The following LONP2 variants were observed in gnomAD, a reference collection of about 807,000 sequenced individuals.
The protein encoded by LONP2 is lon peptidase 2, peroxisomal.
In LONP2, 60 loss-of-function variants were observed where a neutral mutation model predicts 85.6. That is an observed-to-expected ratio of 0.70 (90% CI 0.57 to 0.87). The LOEUF (loss-of-function observed/expected upper bound fraction) is 0.87. Among genes scored for constraint, LONP2 ranks in the 40% least tolerant of loss-of-function variants. The probability of loss-of-function intolerance (pLI) is 0.00; values close to 1 mark genes in which losing one functional copy is unlikely to be tolerated. For synonymous variants in LONP2, 395 were observed against 389.7 expected, an observed-to-expected ratio of 1.01 and a Z score of -0.16; for missense variants, 860 against 1,063.5, an observed-to-expected ratio of 0.81 and a Z score of 2.66.
At chr16:48,333,185 C>T (rs774244666) in intron 11 of LONP2, among the ~76,000 whole-genome samples, 4 of 151,892 alleles carry the variant, frequency 2.6e-5, no homozygotes, top group Non-Finnish European at 5.9e-5. Flanking sequence ...TAATATTTTT[C>T]GTTACTTGAA....
Position 48,297,016 on chromosome 16 carries a change from T to G in LONP2, c.1534+851T>G, listed in dbSNP as rs528691442. Among the ~76,000 whole-genome samples the G allele has an allele frequency of 4.1e-4, 63 of 152,300 alleles. 1 individual carries two copies. Among genetic ancestry groups the G allele is most frequent in the Admixed American group, 3.1e-3 (48 of 15,300 alleles). ...GTAGAATCTAAATGTCTTTATTTAT[T>G]TAATTATTTAGAGACAGAGTCTAGC... On this transcript the variant is annotated intron_variant, in intron 9 of 14. Coordinates refer to ENST00000285737, the MANE Select transcript of LONP2 (RefSeq NM_031490.5).
chr16:48,352,155 C>G lies in LONP2; in HGVS notation c.*353C>G, dbSNP rs975991603. Reference sequence around the variant, plus strand: ...CCACAGCAGGCCGCCTGAATCAAATCCTGGGAGGTGGGGACAGAAATCTGT... The same window carrying G: ...CCACAGCAGGCCGCCTGAATCAAATGCTGGGAGGTGGGGACAGAAATCTGT... On this transcript the variant is annotated 3_prime_UTR_variant, in exon 15 of 15. Coordinates refer to ENST00000285737, the MANE Select transcript of LONP2 (RefSeq NM_031490.5). 3 of 216,444 alleles carry G rather than the reference C, an allele frequency of 1.4e-5. No individual in the cohort carries two copies. The highest frequency in any genetic ancestry group is 6.8e-5 in the African/African-American group (3 of 43,852). 13.4% of individuals were successfully genotyped at this position (216,444 alleles called of 1,614,324 possible). A position where few individuals can be genotyped will look rare whatever the true frequency, so the allele number is the denominator to read the frequency against.
intron 12 of LONP2, among the ~76,000 whole-genome samples, chr16:48,339,673 G>C (rs1158578146): frequency 1.3e-5 from 2 of 152,134 alleles, no homozygotes; most frequent in African/African-American, 4.8e-5. Flanking sequence ...AGAGGGGGTG[G>C]GACCCAAAGC....
At chr16:48,333,173 C>T (rs962246366) in intron 11 of LONP2, among the ~76,000 whole-genome samples, 1 of 151,814 alleles carries the variant, frequency 6.6e-6, no homozygotes, top group Admixed American at 6.5e-5. Flanking sequence ...CCACAGATTA[C>T]GTAATATTTT....
intron 8 of LONP2, among the ~76,000 whole-genome samples, chr16:48,289,748 A>G (rs1972521605): frequency 6.6e-6 from 1 of 152,194 alleles, no homozygotes; most frequent in African/African-American, 2.4e-5. Context: ...GGTATTTATA[A>G]ATAAAAAAGA....
At chr16:48,298,351 A>G (rs1237844284) in intron 9 of LONP2, among the ~76,000 whole-genome samples, 1 of 152,188 alleles carries the variant, frequency 6.6e-6, no homozygotes, top group Non-Finnish European at 1.5e-5. Flanking sequence ...AAGGAAATCT[A>G]TATTTATTCA....
chr16:48,351,215 A>G (rs903215757), intron 14 of LONP2, among the ~76,000 whole-genome samples: 4 of 152,334 alleles, frequency 2.6e-5, no homozygotes, highest in South Asian at 4.1e-4. Context: ...AGCGGCGCTC[A>G]TGGTCAGAAT....
At chr16:48,359,658 G>C (rs1188255032), downstream of LONP2, among the ~76,000 whole-genome samples, 3 of 152,050 alleles carry the variant, frequency 2.0e-5, no homozygotes, top group African/African-American at 7.2e-5. Flanking sequence ...CGAGGTTGCA[G>C]TGAGCCGAGA....
chr16:48,296,196 C>T (rs1326348952), intron 9 of LONP2, 31 bp downstream of exon 9: 2 of 1,604,438 alleles, frequency 1.2e-6, no homozygotes, highest in East Asian at 4.5e-5. Context: ...TATGATACAT[C>T]TTGCCTTTCT....
At chr16:48,288,443 G>A (rs145861163) in intron 8 of LONP2, among the ~76,000 whole-genome samples, 41 of 152,186 alleles carry the variant, frequency 2.7e-4, no homozygotes, top group Admixed American at 7.8e-4. Flanking sequence ...ATGAGCCACC[G>A]CGCCCAGTCA....
chr16:48,258,010 A>G (rs1971795706), intron 3 of LONP2, among the ~76,000 whole-genome samples: 3 of 152,230 alleles, frequency 2.0e-5, no homozygotes, highest in Admixed American at 1.3e-4. Context: ...TAATTCCCAG[A>G]AAGAGTTGAC....
chr16:48,296,793 A>G (rs1284261037), intron 9 of LONP2, among the ~76,000 whole-genome samples: 1 of 151,898 alleles, frequency 6.6e-6, no homozygotes, highest in African/African-American at 2.4e-5. Flanking sequence ...ATTAAAGTGC[A>G]TGCCGCTTTT....
chr16:48,299,861 A>G, intron 10 of LONP2, 73 bp downstream of exon 10: 1 of 1,444,148 alleles, frequency 6.9e-7, no homozygotes. Context: ...CAAACAGGAC[A>G]TAGAGTATCA....
At chr16:48,294,484 G>A (rs1349394650) in intron 8 of LONP2, among the ~76,000 whole-genome samples, 2 of 152,150 alleles carry the variant, frequency 1.3e-5, no homozygotes, top group African/African-American at 2.4e-5. Flanking sequence ...ACTAGCTTGG[G>A]GCTGGGCGTG....
chr16:48,274,746 C>G (rs957592091), intron 7 of LONP2, among the ~76,000 whole-genome samples: 4 of 151,952 alleles, frequency 2.6e-5, no homozygotes, highest in African/African-American at 9.7e-5. Context: ...GTTTTTCTAC[C>G]GTACAAAGAT....
chr16:48,275,287 A>T (rs1244297415), intron 7 of LONP2, among the ~76,000 whole-genome samples: 1 of 152,154 alleles, frequency 6.6e-6, no homozygotes, highest in African/African-American at 2.4e-5. Flanking sequence ...ATTTGCCCAA[A>T]ATAGTATTCA....
chr16:48,349,302 G>A (rs1470577762), intron 14 of LONP2, among the ~76,000 whole-genome samples: 3 of 151,778 alleles, frequency 2.0e-5, no homozygotes, highest in Non-Finnish European at 4.4e-5. Context: ...ATGGAGTCCG[G>A]CTCTCTTACC....
Position 48,362,567 on chromosome 16 carries a change from TA to T in LONP2, c.*710del. The T allele has an allele frequency of 1.2e-6, 1 of 811,738 alleles. No homozygotes were observed. Among genetic ancestry groups the T allele is most frequent in the Non-Finnish European group, 1.9e-6 (1 of 517,420 alleles). 50.3% of individuals were successfully genotyped at this position (811,738 alleles called of 1,614,324 possible). A position where few individuals can be genotyped will look rare whatever the true frequency, so the allele number is the denominator to read the frequency against. On this transcript the variant is annotated 3_prime_UTR_variant, in exon 5 of 5. Coordinates refer to the LONP2 transcript ENST00000565867. This position sits in a 1 kb window ranked among gnomAD's most constrained non-coding sequence, Gnocchi z 4.2. ...AGCAAAAGAGGAAGAAAAATAGGAT[TA>T]AAAAAGATATTAAAAAAATAAAATT... is the stretch of plus-strand genomic sequence containing the variant.
chr16:48,297,584 C>T (rs1195039134), intron 9 of LONP2, among the ~76,000 whole-genome samples: 1 of 152,234 alleles, frequency 6.6e-6, no homozygotes, highest in Non-Finnish European at 1.5e-5. Flanking sequence ...GCTGGGATTA[C>T]AGGCGTGAAC....
Sources: gnomAD v4.1 joint callset for allele counts (sites outside exome capture counted in the v4.1 genomes callset) on GRCh38, gnomAD v4.1.1 for gene constraint, Gnocchi (gnomAD v3.1) non-coding constraint, MANE v1.5 for transcripts, NCBI Gene and HGNC (gene_info 2026-07-23, HGNC 2026-07-21) for gene names.